APBB2: variants seen among roughly 807,000 people sequenced by gnomAD.
The protein encoded by APBB2 is amyloid beta precursor protein binding family B member 2.
Under a neutral mutation model 82.5 loss-of-function variants are expected in APBB2, and 38 were observed. That is an observed-to-expected ratio of 0.46 (90% confidence interval 0.36 to 0.60). APBB2 has a LOEUF of 0.60. Ranked by LOEUF, APBB2 falls within the 20% of genes least tolerant of loss-of-function variation. The pLI, the probability that APBB2 is intolerant of heterozygous loss-of-function variation, is 0.00. For missense variants in APBB2, 772 were observed against 972.3 expected (o/e 0.79, Z 2.74); for synonymous variants, 341 against 368.2 (o/e 0.93, Z 0.85).
Position 40,812,814 on chromosome 4 carries a change from C to G in APBB2, c.*3278G>C, listed in dbSNP as rs1167370388. On this transcript the variant is annotated 3_prime_UTR_variant, in exon 18 of 18. Coordinates refer to ENST00000508593, the MANE Select transcript of APBB2 (RefSeq NM_004307.2). ...AGAACTTATTTTAATGGAAATGGGT[C>G]TAATGTCCCTTCATGCAACAAGACA... is the stretch of plus-strand genomic sequence containing the variant. The G allele has an allele frequency of 6.6e-6, 1 of 152,154 alleles. No homozygotes were observed. Among genetic ancestry groups the G allele is most frequent in the Non-Finnish European group, 1.5e-5 (1 of 68,044 alleles). The allele number at this position is 152,154 out of a possible 1,614,324, so 9.4% of individuals were successfully genotyped here.
chr4:41,064,243 G>T (rs1414161604), intron 4 of APBB2, among the ~76,000 whole-genome samples: 3 of 152,084 alleles, frequency 2.0e-5, no homozygotes. Flanking sequence ...CTCCCAAAGT[G>T]CTGGGATTAC....
chr4:40,855,294 C>T (rs1760817979), intron 12 of APBB2, among the ~76,000 whole-genome samples: 1 of 152,190 alleles, frequency 6.6e-6, no homozygotes. Context: ...ATTTATTATG[C>T]CACTTAATCA....
At chr4:40,845,588 C>CAAAAAAAAAAAAAAAAAAAAAAAAA (rs71198606) in intron 12 of APBB2, among the ~76,000 whole-genome samples, 1 of 56,482 alleles carries the variant, frequency 1.8e-5, no homozygotes, top group Non-Finnish European at 3.0e-5. Flanking sequence ...GGAAATTCCT[C>CAAAAAAAAAAAAAAAAAAAAAAAAA]AAAAAAAAAA....
In APBB2 at chr4:41,052,502, G is replaced by A. The variant is rs149186892; in HGVS notation, c.-51+13074C>T. Among the ~76,000 whole-genome samples, 40 of 152,218 alleles carry A rather than the reference G, an allele frequency of 2.6e-4. 1 individual carries two copies. The East Asian group carries it at 6.6e-3, about 25-fold the overall frequency. On this transcript the variant is annotated intron_variant, in intron 4 of 17. Coordinates refer to ENST00000508593, the MANE Select transcript of APBB2 (RefSeq NM_004307.2). Reference sequence around the variant, plus strand: ...TGTCTGTCAAACCCTCACAGCTCTCGTAGACAAGATCAAGCACTGATCCCA... The same window carrying A: ...TGTCTGTCAAACCCTCACAGCTCTCATAGACAAGATCAAGCACTGATCCCA...
chr4:40,892,767 GTA>G (rs756888651), intron 11 of APBB2: 4 of 152,410 alleles, frequency 2.6e-5, no homozygotes, highest in Non-Finnish European at 5.9e-5. Flanking sequence ...AAAGGGAGAA[GTA>G]TATAAATATC....
In APBB2 at chr4:41,041,992, T is replaced by TC. The variant is rs549061055; in HGVS notation, c.-50-8689dup. Among the ~76,000 whole-genome samples, 3 of 152,112 alleles carry TC rather than the reference T, an allele frequency of 2.0e-5. No homozygotes were observed. The South Asian group carries it at 6.2e-4, about 32-fold the overall frequency. ...CACAAATATACCTGATCTCCAACTT[T>TC]CTTTTTTTTTATTTTTTTGAGGCAG... On this transcript the variant is annotated intron_variant, in intron 4 of 17. Coordinates refer to ENST00000508593, the MANE Select transcript of APBB2 (RefSeq NM_004307.2).
chr4:41,053,497 C>T (rs887621259), intron 4 of APBB2, among the ~76,000 whole-genome samples: 16 of 152,112 alleles, frequency 1.1e-4, no homozygotes, highest in Admixed American at 4.6e-4. Context: ...TTAAAAGCAG[C>T]AGCTTGGAAC....
chr4:40,905,557 G>C lies in APBB2; in HGVS notation c.1255-12146C>G, dbSNP rs369569390. ...TCTCCCCTGGGCCATTCCCAAGTCA[G>C]CTCCTGCCTGCGAAGTCTATTCCTA... On this transcript the variant is annotated intron_variant, in intron 10 of 17. Transcript: ENST00000508593. Among the ~76,000 whole-genome samples the C allele has an allele frequency of 4.6e-5, 7 of 152,158 alleles. No individual in the cohort carries two copies. In the East Asian group the frequency reaches 1.2e-3, roughly 25 times the overall value.
intron 2 of APBB2, among the ~76,000 whole-genome samples, chr4:41,118,783 G>A (rs10004409): frequency 1.2e-3 from 187 of 152,164 alleles, no homozygotes; most frequent in African/African-American, 4.3e-3. Flanking sequence ...GGGAGGTGAG[G>A]GAGTATTGAG....
At chr4:41,192,841 A>G (rs777737202) in intron 1 of APBB2, among the ~76,000 whole-genome samples, 5 of 152,186 alleles carry the variant, frequency 3.3e-5, no homozygotes, top group Non-Finnish European at 7.3e-5. Flanking sequence ...TATAGTAATG[A>G]TTTTACACTC....
At chr4:41,104,603 C>T (rs1746536387) in intron 2 of APBB2, among the ~76,000 whole-genome samples, 1 of 151,998 alleles carries the variant, frequency 6.6e-6, no homozygotes, top group Non-Finnish European at 1.5e-5. Context: ...GCATAATACC[C>T]AATAGGTAGT....
At chr4:40,865,789 G>A (rs1763910610) in intron 12 of APBB2, among the ~76,000 whole-genome samples, 1 of 152,180 alleles carries the variant, frequency 6.6e-6, no homozygotes, top group South Asian at 2.1e-4. Context: ...GAACAGATAC[G>A]TCACCAAAGA....
At chr4:41,088,741 C>T (rs1740719305) in intron 3 of APBB2, among the ~76,000 whole-genome samples, 1 of 152,188 alleles carries the variant, frequency 6.6e-6, no homozygotes, top group Admixed American at 6.5e-5. Flanking sequence ...CCATAACTAG[C>T]AGGTTTTGTT....
chr4:41,120,037 T>TA (rs1476087294), intron 2 of APBB2, among the ~76,000 whole-genome samples: 1 of 152,158 alleles, frequency 6.6e-6, no homozygotes, highest in African/African-American at 2.4e-5. Flanking sequence ...TCATCACCAT[T>TA]ATATAGATGA....
At chr4:40,917,169 T>C (rs748321618) in intron 10 of APBB2, among the ~76,000 whole-genome samples, 4 of 152,210 alleles carry the variant, frequency 2.6e-5, no homozygotes, top group Admixed American at 6.5e-5. Flanking sequence ...CAGAAGTTTA[T>C]TGATCCCAAA....
At chr4:40,987,478 G>C (rs1800697238) in intron 6 of APBB2, among the ~76,000 whole-genome samples, 1 of 152,152 alleles carries the variant, frequency 6.6e-6, no homozygotes, top group African/African-American at 2.4e-5. Context: ...ATTGATTTGT[G>C]CCTAAAGGAT....
intron 4 of APBB2, among the ~76,000 whole-genome samples, chr4:41,045,703 T>C (rs911821803): frequency 6.6e-6 from 1 of 152,244 alleles, no homozygotes; most frequent in Non-Finnish European, 1.5e-5. Flanking sequence ...TTGTTAATGT[T>C]CTGTACTTTT....
At chr4:41,122,659 GA>G (rs1220269823) in intron 2 of APBB2, among the ~76,000 whole-genome samples, 3 of 152,140 alleles carry the variant, frequency 2.0e-5, no homozygotes, top group Non-Finnish European at 4.4e-5. Flanking sequence ...CTGGTGAACT[GA>G]AAGGGTTTTT....
chr4:40,969,085 G>T, intron 6 of APBB2, among the ~76,000 whole-genome samples: 1 of 152,178 alleles, frequency 6.6e-6, no homozygotes, highest in Non-Finnish European at 1.5e-5. Context: ...ATGGAACTGT[G>T]AGTCCACTAA....
Sources: gnomAD v4.1 joint callset for allele counts (sites outside exome capture counted in the v4.1 genomes callset) on GRCh38, gnomAD v4.1.1 for gene constraint, MANE v1.5 for transcripts, NCBI Gene and HGNC (gene_info 2026-07-23, HGNC 2026-07-21) for gene names.